TTC6: variants seen among roughly 807,000 people sequenced by gnomAD.
TTC6 encodes tetratricopeptide repeat protein 6.
TTC6 carries 172 observed loss-of-function variants against 210.4 expected under a neutral mutation model. The observed-to-expected ratio is 0.82, with a 90% CI of 0.72 to 0.93. The LOEUF is 0.93. Ranked by LOEUF, TTC6 falls within the 40% of genes least tolerant of loss-of-function variation. TTC6 has a pLI of 0.00. For missense variants in TTC6, 2,414 were observed against 2,318.1 expected (o/e 1.04, Z -0.85); for synonymous variants, 804 against 819.6 (o/e 0.98, Z 0.32).
exon 3 of TTC6, chr14:37,682,882 A>G: frequency 6.5e-7 from 1 of 1,535,732 alleles, no homozygotes; most frequent in Admixed American, 2.0e-5. Context: ...TCGCAAGTTC[A>G]GCCAGCAGAG....
At chr14:37,781,264 A>G (rs1225542567) in intron 14 of TTC6, among the ~76,000 whole-genome samples, 2 of 152,052 alleles carry the variant, frequency 1.3e-5, no homozygotes, top group African/African-American at 2.4e-5. Context: ...AAGTGTTCCT[A>G]TTTTTCCACA....
intron 14 of TTC6, among the ~76,000 whole-genome samples, chr14:37,761,347 G>A (rs780340929): frequency 4.0e-5 from 6 of 151,820 alleles, no homozygotes; most frequent in South Asian, 2.1e-4. Flanking sequence ...AACCAGTCCC[G>A]ATAAGATGAA....
intron 1 of TTC6, among the ~76,000 whole-genome samples, chr14:37,652,704 T>C (rs1362260949): frequency 6.6e-6 from 1 of 152,190 alleles, no homozygotes; most frequent in Non-Finnish European, 1.5e-5. Flanking sequence ...CTAAATCATA[T>C]CTTAATGTTA....
chr14:37,795,230 G>A (rs1463116724), intron 17 of TTC6, 40 bp from the exon 20 acceptor site: 4 of 1,367,642 alleles, frequency 2.9e-6, no homozygotes, highest in Admixed American at 2.1e-5. Context: ...GGAAGCAATC[G>A]ATGTTATTAG....
rs186664145 is a variant in TTC6 at position 37,766,252 on chromosome 14, A to G, written c.3266+13017A>G. On this transcript the variant is annotated intron_variant, in intron 14 of 30. Coordinates refer to ENST00000553443, the Ensembl canonical transcript of TTC6. Reference sequence around the variant, plus strand: ...TTTAGGTTCAGAGGTACATATGCACATTTATGATATAGGTAAATTTGTGTC... The same window carrying G: ...TTTAGGTTCAGAGGTACATATGCACGTTTATGATATAGGTAAATTTGTGTC... Among the ~76,000 whole-genome samples the G allele has an allele frequency of 6.3e-3, 962 of 152,234 alleles. 9 individuals carry two copies. Among genetic ancestry groups the G allele is most frequent in the Non-Finnish European group, 9.6e-3 (653 of 67,998 alleles).
chr14:37,644,592 A>G (rs1484055702), intron 1 of TTC6, among the ~76,000 whole-genome samples: 1 of 152,242 alleles, frequency 6.6e-6, no homozygotes, highest in Non-Finnish European at 1.5e-5. Flanking sequence ...ACTATGGAAA[A>G]GGGTAGAAGA....
intron 26 of TTC6, among the ~76,000 whole-genome samples, chr14:37,822,332 A>T (rs1409747680): frequency 1.3e-5 from 2 of 152,210 alleles, no homozygotes; most frequent in South Asian, 2.1e-4. Flanking sequence ...GGCAACTTTC[A>T]TGAAGGAAGG....
At chr14:37,752,787 A>G (rs6571820) in intron 13 of TTC6, among the ~76,000 whole-genome samples, 70,222 of 151,872 alleles carry the variant, frequency 0.46, 17,143 homozygotes, top group East Asian at 0.66. Flanking sequence ...GATAGATCCA[A>G]TGAACTCCAC....
chr14:37,714,851 T>G, intron 6 of TTC6, 55 bp downstream of exon 8: 1 of 1,494,556 alleles, frequency 6.7e-7, no homozygotes, highest in Non-Finnish European at 8.9e-7. Flanking sequence ...CTCAAACTTT[T>G]TGGCTTCAGG....
At chr14:37,613,817 T>G (rs936906659) in intron 2 of TTC6, among the ~76,000 whole-genome samples, 6 of 152,090 alleles carry the variant, frequency 3.9e-5, no homozygotes, top group African/African-American at 1.4e-4. Context: ...TGAAATCCTC[T>G]TTCATTCCTG....
chr14:37,773,260 C>G (rs189709998), intron 14 of TTC6, among the ~76,000 whole-genome samples: 104 of 152,246 alleles, frequency 6.8e-4, no homozygotes, highest in African/African-American at 2.5e-3. Context: ...TGCAGAAGCT[C>G]TTTAGTTTAA....
At chr14:37,760,847 T>C (rs1008903551) in intron 14 of TTC6, among the ~76,000 whole-genome samples, 1 of 152,152 alleles carries the variant, frequency 6.6e-6, no homozygotes, top group Admixed American at 6.5e-5. Flanking sequence ...GCCTCTGTAA[T>C]GATGGATGCC....
chr14:37,601,800 A>G (rs1353955786), intron 1 of TTC6, among the ~76,000 whole-genome samples: 1 of 152,172 alleles, frequency 6.6e-6, no homozygotes, highest in African/African-American at 2.4e-5. Context: ...CTTTGCCCAT[A>G]TAGGGTGGTC....
intron 26 of TTC6, among the ~76,000 whole-genome samples, chr14:37,820,052 C>T (rs1045444488): frequency 6.6e-6 from 1 of 152,186 alleles, no homozygotes; most frequent in Admixed American, 6.5e-5. Flanking sequence ...CTGACAAGAA[C>T]GTAGATATTC....
At chr14:37,799,693 G>T (rs1264254602) in intron 20 of TTC6, among the ~76,000 whole-genome samples, 1 of 152,122 alleles carries the variant, frequency 6.6e-6, no homozygotes, top group African/African-American at 2.4e-5. Flanking sequence ...AACTGCTGTG[G>T]CCTTGAGGAC....
chr14:37,764,579 A>C (rs1238978108), intron 14 of TTC6, among the ~76,000 whole-genome samples: 2 of 152,096 alleles, frequency 1.3e-5, no homozygotes, highest in African/African-American at 4.8e-5. Flanking sequence ...TGATATTAGC[A>C]AAGCTACTCC....
At chr14:37,729,622 T>C (rs2095880844) in intron 7 of TTC6, among the ~76,000 whole-genome samples, 1 of 152,180 alleles carries the variant, frequency 6.6e-6, no homozygotes, top group Non-Finnish European at 1.5e-5. Flanking sequence ...TGCTCCGTGG[T>C]CTGAAGCTCT....
intron 10 of TTC6, among the ~76,000 whole-genome samples, chr14:37,745,783 TAGA>T (rs1050338781): frequency 3.9e-5 from 6 of 152,186 alleles, no homozygotes. Flanking sequence ...CTCATACCTT[TAGA>T]AGATTTCAGG....
intron 3 of TTC6, among the ~76,000 whole-genome samples, chr14:37,689,428 C>A (rs1040842254): frequency 2.6e-5 from 4 of 151,946 alleles, no homozygotes; most frequent in African/African-American, 9.7e-5. Context: ...CAGAGAACTT[C>A]CCCAACCTGA....
Sources: allele counts gnomAD v4.1 joint callset (sites outside exome capture counted in the v4.1 genomes callset), GRCh38; gene constraint gnomAD v4.1.1; transcripts MANE v1.5; gene names NCBI Gene and HGNC (gene_info 2026-07-23, HGNC 2026-07-21).